LARP1: variants seen among roughly 807,000 people sequenced by gnomAD.
LARP1 encodes the protein La ribonucleoprotein 1, translational regulator.
Under a neutral mutation model 122.7 loss-of-function variants are expected in LARP1, and 36 were observed. That is an observed-to-expected ratio of 0.29 (90% CI 0.22 to 0.39). The LOEUF is 0.39. LARP1 is among the 10% of genes least tolerant of loss of function. The pLI is 1.00. For missense variants in LARP1, 1,040 were observed against 1,403.6 expected (o/e 0.74, Z 4.14); for synonymous variants, 539 against 528.7 (o/e 1.02, Z -0.27).
intron 1 of LARP1, among the ~76,000 whole-genome samples, chr5:154,773,120 G>A (rs1755580228): frequency 6.6e-6 from 1 of 150,428 alleles, no homozygotes; most frequent in Non-Finnish European, 1.5e-5. Flanking sequence ...CCCAGTTTTT[G>A]TACTGGAAGG....
rs184493444 is a variant in LARP1 at position 154,810,621 on chromosome 5, G to A, written c.2844-626G>A. ...TTCTGCCTCAGCCTCCCGAGTAGCT[G>A]AGATTACAGGCACCCACCACCACAC... On this transcript the variant is annotated intron_variant, in intron 16 of 18. Coordinates refer to ENST00000518297, the MANE Select transcript of LARP1 (RefSeq NM_033551.3). Among the ~76,000 whole-genome samples, 201 of 152,010 alleles carry A rather than the reference G, an allele frequency of 1.3e-3. 1 individual carries two copies. Among genetic ancestry groups the A allele is most frequent in the African/African-American group, 4.7e-3 (193 of 41,492 alleles).
At position 154,814,602 on chromosome 5, in the gene LARP1, A is replaced by C. The variant is rs1239651244; in HGVS notation, c.*506A>C. The C allele has an allele frequency of 6.6e-6, 1 of 152,554 alleles. No individual in the cohort carries two copies. Among genetic ancestry groups the C allele is most frequent in the Non-Finnish European group, 1.5e-5 (1 of 68,066 alleles). The allele number at this position is 152,554 out of a possible 1,614,324, so 9.5% of individuals were successfully genotyped here. On this transcript the variant is annotated 3_prime_UTR_variant, in exon 19 of 19. Transcript: ENST00000518297. Reference sequence around the variant, plus strand: ...GGTACCTCTGGGCCCCAGGAGCATCAGCCCCTTGATCATCTGGGGTTTGTC... The same window carrying C: ...GGTACCTCTGGGCCCCAGGAGCATCCGCCCCTTGATCATCTGGGGTTTGTC...
intron 1 of LARP1, among the ~76,000 whole-genome samples, chr5:154,763,481 C>T (rs555255959): frequency 2.0e-4 from 31 of 151,682 alleles, no homozygotes; most frequent in Non-Finnish European, 4.0e-4. Flanking sequence ...CTTGCCACCT[C>T]TGTTTTTTTT....
At chr5:154,691,030 A>T (rs902943205) in intron 1 of LARP1, among the ~76,000 whole-genome samples, 14 of 152,104 alleles carry the variant, frequency 9.2e-5, no homozygotes, top group African/African-American at 3.4e-4. Flanking sequence ...GAGGCCGAGG[A>T]GGGCGGATCA....
At chr5:154,688,118 GC>G (rs1156233753) in intron 1 of LARP1, among the ~76,000 whole-genome samples, 1 of 152,120 alleles carries the variant, frequency 6.6e-6, no homozygotes, top group Admixed American at 6.5e-5. Flanking sequence ...TCGGGTCTGG[GC>G]CCCTTGCATT....
chr5:154,756,638 C>T (rs192460770), intron 1 of LARP1: 443 of 395,614 alleles, frequency 1.1e-3, no homozygotes, highest in Non-Finnish European at 1.4e-3. Flanking sequence ...GTTTAATGAG[C>T]ATATGTCACG....
At chr5:154,807,241 G>C (rs1286258134) in intron 15 of LARP1, among the ~76,000 whole-genome samples, 1 of 152,132 alleles carries the variant, frequency 6.6e-6, no homozygotes, top group African/African-American at 2.4e-5. Context: ...TTCATCAGTT[G>C]ATTGGCATTT....
chr5:154,706,671 G>A (rs1334355603), intron 1 of LARP1, among the ~76,000 whole-genome samples: 2 of 150,584 alleles, frequency 1.3e-5, no homozygotes, highest in East Asian at 2.0e-4. Flanking sequence ...CACAATTTAC[G>A]TATATAACAA....
chr5:154,807,094 T>G (rs1352800898), intron 15 of LARP1, among the ~76,000 whole-genome samples: 1 of 152,248 alleles, frequency 6.6e-6, no homozygotes, highest in Non-Finnish European at 1.5e-5. Flanking sequence ...CCTTTGTTAC[T>G]GGCCTCTTCC....
chr5:154,770,633 A>T (rs1755330129), intron 1 of LARP1, among the ~76,000 whole-genome samples: 1 of 152,080 alleles, frequency 6.6e-6, no homozygotes, highest in South Asian at 2.1e-4. Flanking sequence ...TCTGTATGTC[A>T]TGGTTTTTTC....
upstream of LARP1, among the ~76,000 whole-genome samples, chr5:154,753,802 T>A (rs1753635260): frequency 6.6e-6 from 1 of 152,172 alleles, no homozygotes. Context: ...CCAGTACTTC[T>A]CCCCCATACT....
chr5:154,784,015 A>G (rs1430953736), intron 1 of LARP1, among the ~76,000 whole-genome samples: 1 of 152,202 alleles, frequency 6.6e-6, no homozygotes, highest in Non-Finnish European at 1.5e-5. Context: ...CTGTGAGTCA[A>G]AGCTGGGCTA....
chr5:154,770,519 C>G (rs1755315671), intron 1 of LARP1, among the ~76,000 whole-genome samples: 1 of 152,138 alleles, frequency 6.6e-6, no homozygotes, highest in East Asian at 1.9e-4. Flanking sequence ...TCTCCCTGCC[C>G]CAGGGTAGAG....
chr5:154,804,519 A>G (rs1189453471), intron 14 of LARP1, among the ~76,000 whole-genome samples: 1 of 152,184 alleles, frequency 6.6e-6, no homozygotes, highest in African/African-American at 2.4e-5. Flanking sequence ...CAGTCACGTG[A>G]GACCAGATTT....
intron 1 of LARP1, among the ~76,000 whole-genome samples, chr5:154,734,665 A>G (rs1206515744): frequency 6.6e-6 from 1 of 152,168 alleles, no homozygotes; most frequent in Non-Finnish European, 1.5e-5. Flanking sequence ...AATTAAAAAA[A>G]TTCCTTTTCT....
intron 1 of LARP1, among the ~76,000 whole-genome samples, chr5:154,773,475 G>T (rs1755609677): frequency 6.6e-6 from 1 of 152,186 alleles, no homozygotes; most frequent in African/African-American, 2.4e-5. Flanking sequence ...GCACGCTGGG[G>T]TTGAGGCCTC....
Position 154,815,524 on chromosome 5 carries a change from G to GTC in LARP1, c.*1434_*1435dup, listed in dbSNP as rs1205244736. 6.6e-6 allele frequency: 1 copy of GTC among 152,160 alleles called. No homozygotes were observed. Among genetic ancestry groups the GTC allele is most frequent in the African/African-American group, 2.4e-5 (1 of 41,416 alleles). 9.4% of individuals were successfully genotyped at this position (152,160 alleles called of 1,614,324 possible). A position where few individuals can be genotyped will look rare whatever the true frequency, so the allele number is the denominator to read the frequency against. On this transcript the variant is annotated 3_prime_UTR_variant, in exon 19 of 19. Transcript: ENST00000518297. ...ATCTTTGAGACCTCAGGGAGGCTCTGTCTCTCTTAAAAGGTGGAGAAAGAT... is the reference window on the plus strand; with the variant it reads ...ATCTTTGAGACCTCAGGGAGGCTCTGTCTCTCTCTTAAAAGGTGGAGAAAGAT...
At chr5:154,775,852 C>T (rs967822453) in intron 1 of LARP1, among the ~76,000 whole-genome samples, 6 of 152,172 alleles carry the variant, frequency 3.9e-5, no homozygotes, top group South Asian at 4.1e-4. Flanking sequence ...GGATAACCTT[C>T]GGCTAACCAC....
Position 154,755,828 on chromosome 5 carries a change from T to A in LARP1, c.71T>A (p.Leu24Gln). 1 of 1,000,390 alleles carries A rather than the reference T, an allele frequency of 1.0e-6. No homozygotes were observed. Among genetic ancestry groups the A allele is most frequent in the Non-Finnish European group, 1.2e-6 (1 of 838,684 alleles). 62.0% of individuals were successfully genotyped at this position (1,000,390 alleles called of 1,614,324 possible). The change falls in exon 1 of 19, where the codon CTG becomes CAG. Residue 24 changes from leucine to glutamine, a missense_variant. Around this residue, in one of 8 missense-constraint regions of LARP1, gnomAD observed 257 missense variants for 273.3 expected, o/e 0.94. Transcript: ENST00000518297. ...TTGCAGGCCGAAGAGCACGGGGGGC[T>A]GGTGAGGAAGAAGCCGCCGCCGGCG... is the stretch of plus-strand genomic sequence containing the variant. ...TLLQAEEHGG[L>Q]VRKKPPPAPE... is the part of the protein sequence containing the mutation.
Sources: gnomAD v4.1 joint callset for allele counts (sites outside exome capture counted in the v4.1 genomes callset) on GRCh38, gnomAD v4.1.1 for gene constraint, gnomAD v4.1.1 regional missense constraint, MANE v1.5 for transcripts, NCBI Gene and HGNC (gene_info 2026-07-23, HGNC 2026-07-21) for gene names.